CHRM5: variants seen among roughly 807,000 people sequenced by gnomAD.
CHRM5 encodes the protein muscarinic acetylcholine receptor M5.
A neutral mutation model predicts 39.0 loss-of-function variants in CHRM5; 18 were observed. The observed-to-expected ratio is 0.46, with a 90% CI of 0.32 to 0.68. The LOEUF is 0.68. CHRM5 is among the 30% of genes least tolerant of loss of function. The pLI is 0.04. For missense variants in CHRM5, 515 were observed against 651.1 expected (o/e 0.79, Z 2.28); for synonymous variants, 241 against 246.3 (o/e 0.98, Z 0.20).
intron 1 of CHRM5, among the ~76,000 whole-genome samples, chr15:33,999,807 G>A (rs1597332421): frequency 6.6e-6 from 1 of 152,268 alleles, no homozygotes; most frequent in East Asian, 1.9e-4. Context: ...CCTCTTGCCA[G>A]TCTTCAGTTC....
chr15:34,049,261 G>C (rs550151402), intron 2 of CHRM5, among the ~76,000 whole-genome samples: 11 of 152,288 alleles, frequency 7.2e-5, no homozygotes, highest in African/African-American at 2.2e-4. Context: ...ACTTCACTGA[G>C]CTAAAGGACC....
chr15:34,002,747 T>C (rs1415787787), intron 1 of CHRM5, among the ~76,000 whole-genome samples: 1 of 152,212 alleles, frequency 6.6e-6, no homozygotes, highest in Non-Finnish European at 1.5e-5. Context: ...TTTCTCAGAC[T>C]ATCAAATTTA....
Position 34,032,946 on chromosome 15 carries a change from T to A in CHRM5, c.-407-13594T>A, listed in dbSNP as rs558774219. ...ATACAGTCATCACTTGACAGATTCT[T>A]AAAATACTTTAAAAATAACTTTTTG... On this transcript the variant is annotated intron_variant, in intron 1 of 2. Transcript: ENST00000383263. 5.3e-5 allele frequency among the ~76,000 whole-genome samples: 8 copies of A among 152,354 alleles called. No individual in the cohort carries two copies. The East Asian group carries it at 1.5e-3, about 29-fold the overall frequency.
At chr15:34,003,630 A>AT (rs1897223229) in intron 1 of CHRM5, among the ~76,000 whole-genome samples, 1 of 152,190 alleles carries the variant, frequency 6.6e-6, no homozygotes, top group Admixed American at 6.5e-5. Context: ...GCTTTATTTA[A>AT]TTTTTTAGAG....
chr15:34,007,141 G>T, intron 1 of CHRM5: 2 of 711,942 alleles, frequency 2.8e-6, no homozygotes, highest in Non-Finnish European at 3.4e-6. Flanking sequence ...AACTACTGCC[G>T]AGCTATTATC....
At chr15:34,024,937 C>T (rs1898386503) in intron 1 of CHRM5, among the ~76,000 whole-genome samples, 1 of 151,698 alleles carries the variant, frequency 6.6e-6, no homozygotes, top group Admixed American at 6.6e-5. Context: ...AATCCTAGCA[C>T]TTTGGGAGGC....
chr15:34,025,406 C>T (rs1368517145), intron 1 of CHRM5, among the ~76,000 whole-genome samples: 3 of 152,252 alleles, frequency 2.0e-5, no homozygotes, highest in East Asian at 1.9e-4. Context: ...CAGCTGAGAA[C>T]CCAGCCACAG....
intron 1 of CHRM5, among the ~76,000 whole-genome samples, chr15:33,973,373 G>T (rs2140501584): frequency 6.6e-6 from 1 of 152,268 alleles, no homozygotes; most frequent in Non-Finnish European, 1.5e-5. Flanking sequence ...ATATAACATA[G>T]TACAACTCTT....
chr15:34,053,242 G>A (rs1952998111), intron 2 of CHRM5, among the ~76,000 whole-genome samples: 1 of 141,680 alleles, frequency 7.1e-6, no homozygotes, highest in Non-Finnish European at 1.5e-5. Context: ...AGAGGTTGCA[G>A]TGAGCCAAGA....
chr15:34,006,661 C>G (rs1001527539), intron 1 of CHRM5, among the ~76,000 whole-genome samples: 4 of 152,156 alleles, frequency 2.6e-5, no homozygotes, highest in Admixed American at 2.6e-4. Context: ...ATAGGCTGAT[C>G]CTTATGCATA....
intron 1 of CHRM5, among the ~76,000 whole-genome samples, chr15:34,030,407 G>A (rs570104642): frequency 1.2e-4 from 18 of 151,522 alleles, no homozygotes; most frequent in South Asian, 8.4e-4. Context: ...GTGCAGTGGC[G>A]CAATCTCGCT....
chr15:34,058,961 A>G (rs1210755198), intron 2 of CHRM5, among the ~76,000 whole-genome samples: 3 of 152,138 alleles, frequency 2.0e-5, no homozygotes, highest in African/African-American at 7.2e-5. Context: ...CAGTGGCAAG[A>G]TCTTGGCTCA....
In CHRM5 at chr15:34,008,483, CTTTTTTTTTT is replaced by C. The variant is rs200355232; in HGVS notation, c.-407-38043_-407-38034del. On this transcript the variant is annotated intron_variant, in intron 1 of 2. Transcript: ENST00000383263. The stretch of plus-strand genomic sequence containing the variant: ...AAACTTCCCAAAGTTGATGAAAAAC[CTTTTTTTTTT>C]TTTTTTTTTTTTTGAGACAGAGTCT... 6.1e-3 allele frequency among the ~76,000 whole-genome samples: 731 copies of C among 119,266 alleles called. 14 individuals carry two copies. Among genetic ancestry groups the C allele is most frequent in the Admixed American group, 0.043 (544 of 12,558 alleles). The allele number at this position is 119,266 out of a possible 152,430, so 78.2% of individuals were successfully genotyped here. A position where few individuals can be genotyped will look rare whatever the true frequency, so the allele number is the denominator to read the frequency against.
At chr15:34,039,233 T>A (rs2140798961) in intron 1 of CHRM5, 11 of 334,786 alleles carry the variant, frequency 3.3e-5, no homozygotes, top group Non-Finnish European at 4.8e-5. Flanking sequence ...GCGGCCGGCG[T>A]CCCGCAGGTG....
intron 2 of CHRM5, among the ~76,000 whole-genome samples, chr15:34,052,383 C>A (rs1899955528): frequency 6.6e-6 from 1 of 152,140 alleles, no homozygotes; most frequent in African/African-American, 2.4e-5. Context: ...GACTCACAGC[C>A]AATGTCATAC....
intron 1 of CHRM5, among the ~76,000 whole-genome samples, chr15:34,038,390 G>C (rs994419238): frequency 2.6e-5 from 4 of 152,194 alleles, no homozygotes; most frequent in Non-Finnish European, 2.9e-5. Flanking sequence ...AGGCTGCCGA[G>C]GGACCACGTC....
intron 1 of CHRM5, among the ~76,000 whole-genome samples, chr15:33,998,869 T>C (rs1234805450): frequency 2.6e-5 from 4 of 152,206 alleles, no homozygotes; most frequent in African/African-American, 7.2e-5. Context: ...AGTACTTCTC[T>C]AGGTAATAAC....
Position 34,064,574 on chromosome 15 carries a change from C to CCTG in CHRM5, c.*258_*259insCTG. The stretch of plus-strand genomic sequence containing the variant: ...TTTGCCAATGAAGTAAAGGGATAGG[C>CCTG]TCATGGCCCTTCACAAGAGGAAGCA... On this transcript the variant is annotated 3_prime_UTR_variant, in exon 3 of 3. Transcript: ENST00000383263. 1 of 491,910 alleles carries CCTG rather than the reference C, an allele frequency of 2.0e-6. No homozygotes were observed. Among genetic ancestry groups the CCTG allele is most frequent in the Non-Finnish European group, 3.7e-6 (1 of 269,880 alleles). 30.5% of individuals were successfully genotyped at this position (491,910 alleles called of 1,614,324 possible).
chr15:34,048,585 G>A (rs557027928), intron 2 of CHRM5, among the ~76,000 whole-genome samples: 12 of 152,014 alleles, frequency 7.9e-5, no homozygotes, highest in South Asian at 4.1e-4. Flanking sequence ...AGGGGCAGCC[G>A]CCATCTCTAC....
Sources: allele counts gnomAD v4.1 joint callset (sites outside exome capture counted in the v4.1 genomes callset), GRCh38; gene constraint gnomAD v4.1.1; transcripts MANE v1.5; gene names NCBI Gene and HGNC (gene_info 2026-07-23, HGNC 2026-07-21).